TRAPPC9: variants seen among roughly 807,000 people sequenced by gnomAD.
The protein encoded by TRAPPC9 is trafficking protein particle complex subunit 9, also known as IKK2 binding protein.
A neutral mutation model predicts 124.0 loss-of-function variants in TRAPPC9; 83 were observed. That is an observed-to-expected ratio of 0.67 (90% CI 0.56 to 0.80). The LOEUF (loss-of-function observed/expected upper bound fraction) is 0.80. TRAPPC9 is among the 30% of genes least tolerant of loss of function. The pLI is 0.00. For synonymous variants in TRAPPC9, 638 were observed against 617.5 expected (o/e 1.03, Z -0.49); for missense variants, 1,302 against 1,508.3 (o/e 0.86, Z 2.27).
intron 11 of TRAPPC9, among the ~76,000 whole-genome samples, chr8:140,293,476 C>A (rs2065719691): frequency 6.6e-6 from 1 of 152,232 alleles, no homozygotes; most frequent in East Asian, 1.9e-4. Flanking sequence ...AAATGTCCAA[C>A]AATGATAGAC....
intron 18 of TRAPPC9, among the ~76,000 whole-genome samples, chr8:140,018,405 G>A (rs1192484497): frequency 6.8e-6 from 1 of 146,242 alleles, no homozygotes; most frequent in Non-Finnish European, 1.5e-5. Context: ...CTCACTGCAA[G>A]CTCCACCTCC....
chr8:140,009,506 C>T (rs934041425), intron 18 of TRAPPC9, among the ~76,000 whole-genome samples: 1 of 152,220 alleles, frequency 6.6e-6, no homozygotes, highest in Non-Finnish European at 1.5e-5. Context: ...TTCCCCTTCT[C>T]ACACACGACG....
intron 19 of TRAPPC9, among the ~76,000 whole-genome samples, chr8:139,983,675 G>T (rs573693039): frequency 1.3e-5 from 2 of 152,144 alleles, no homozygotes; most frequent in Non-Finnish European, 2.9e-5. Context: ...CCTTTCTTCT[G>T]CTGGGTGAAG....
Position 140,071,593 on chromosome 8 carries a change from C to T in TRAPPC9, c.2557-47514G>A, listed in dbSNP as rs530400302. Among the ~76,000 whole-genome samples the T allele has an allele frequency of 1.1e-4, 17 of 152,232 alleles. No homozygotes were observed. The South Asian group carries it at 2.7e-3, about 24-fold the overall frequency. The stretch of plus-strand genomic sequence containing the variant: ...GAGTTGCACAGTCCTGCCAGAGGCC[C>T]GGTGCCTGCCTCTGGAACCCTCAGT... On this transcript the variant is annotated intron_variant, in intron 17 of 22. Coordinates refer to ENST00000438773, the MANE Select transcript of TRAPPC9 (RefSeq NM_001160372.4).
chr8:139,797,077 C>T (rs754981846), intron 21 of TRAPPC9, among the ~76,000 whole-genome samples: 2 of 152,146 alleles, frequency 1.3e-5, no homozygotes, highest in Admixed American at 1.3e-4. Context: ...AGTCCTTGCC[C>T]GTTTTTAAAT....
At chr8:140,062,181 G>C (rs1351574174) in intron 17 of TRAPPC9, among the ~76,000 whole-genome samples, 1 of 152,126 alleles carries the variant, frequency 6.6e-6, no homozygotes, top group East Asian at 1.9e-4. Context: ...GCCTGGGATG[G>C]ACCTGCCTGA....
chr8:139,877,384 G>GAA (rs1004974765), intron 21 of TRAPPC9, among the ~76,000 whole-genome samples: 112 of 152,290 alleles, frequency 7.4e-4, no homozygotes, highest in African/African-American at 2.5e-3. Flanking sequence ...AGCAGGCACA[G>GAA]AAAGGTCCAG....
intron 21 of TRAPPC9, among the ~76,000 whole-genome samples, chr8:139,833,662 C>T (rs1056299015): frequency 2.0e-5 from 3 of 152,238 alleles, no homozygotes; most frequent in East Asian, 3.9e-4. Context: ...GCCTTCCCAG[C>T]AGAACAGGCA....
chr8:139,731,647 C>T (rs1053300947), intron 22 of TRAPPC9, among the ~76,000 whole-genome samples: 10 of 151,996 alleles, frequency 6.6e-5, no homozygotes, highest in African/African-American at 7.3e-5. Flanking sequence ...GCGGCAGGCA[C>T]GGGATGGGTG....
At chr8:139,841,466 C>A (rs756479951) in intron 21 of TRAPPC9, among the ~76,000 whole-genome samples, 7 of 152,134 alleles carry the variant, frequency 4.6e-5, no homozygotes, top group Admixed American at 3.3e-4. Flanking sequence ...TCTCCCCCAG[C>A]GTGCCTGCTT....
intron 15 of TRAPPC9, among the ~76,000 whole-genome samples, chr8:140,264,908 G>A (rs2064573030): frequency 6.6e-6 from 1 of 152,120 alleles, no homozygotes; most frequent in Non-Finnish European, 1.5e-5. Flanking sequence ...GAGAGGGACT[G>A]GATCCTGGTA....
At chr8:140,018,317 G>A (rs7460185) in intron 18 of TRAPPC9, among the ~76,000 whole-genome samples, 142,061 of 142,684 alleles carry the variant, frequency 1, 70,724 homozygotes, top group Middle Eastern at 1. Context: ...ATATAGAAAC[G>A]TAAGTGATTT....
intron 19 of TRAPPC9, among the ~76,000 whole-genome samples, chr8:139,923,614 C>T (rs918999980): frequency 2.6e-5 from 4 of 152,094 alleles, no homozygotes; most frequent in South Asian, 2.1e-4. Flanking sequence ...GCTTCCCTGA[C>T]GAAGCACGTC....
intron 2 of TRAPPC9, among the ~76,000 whole-genome samples, chr8:140,446,482 G>T (rs1448226064): frequency 2.0e-5 from 3 of 152,104 alleles, no homozygotes; most frequent in Non-Finnish European, 4.4e-5. Context: ...GAACTAGAAG[G>T]CCGTATTTCC....
rs896385778 is a variant in TRAPPC9, at chr8:140,257,690, C to T, written c.2279-4761G>A. ...TACTACTGGAAATGTCTTCCCCTAC[C>T]TTCTCTGCCTGGCTGGATTTTCTAG... On this transcript the variant is annotated intron_variant, in intron 15 of 22. Coordinates refer to ENST00000438773, the MANE Select transcript of TRAPPC9 (RefSeq NM_001160372.4). This position sits in a 1 kb window ranked among gnomAD's most constrained non-coding sequence, Gnocchi z 4.6. Among the ~76,000 whole-genome samples, 1 of 152,176 alleles carries T rather than the reference C, an allele frequency of 6.6e-6. No homozygotes were observed. Among genetic ancestry groups the T allele is most frequent in the Non-Finnish European group, 1.5e-5 (1 of 68,034 alleles).
At chr8:140,333,977 T>C (rs933760601) in intron 9 of TRAPPC9, among the ~76,000 whole-genome samples, 5 of 152,208 alleles carry the variant, frequency 3.3e-5, no homozygotes, top group Non-Finnish European at 7.3e-5. Flanking sequence ...CCAAGCACTT[T>C]ACATATGCCT....
At chr8:140,167,534 T>G (rs1587845032) in intron 17 of TRAPPC9, among the ~76,000 whole-genome samples, 1 of 152,174 alleles carries the variant, frequency 6.6e-6, no homozygotes, top group Non-Finnish European at 1.5e-5. Context: ...GCCATACAGC[T>G]GGCAGCAGCT....
rs551194697 is a variant in TRAPPC9, at chr8:140,317,289, T to G, written c.1496-5915A>C. ...TTCTTGTTTTTCTAATTCCTTAAGA[T>G]GCAGTGTTAGACTGTTTATTTGAAA... On this transcript the variant is annotated intron_variant, in intron 9 of 22. Coordinates refer to ENST00000438773, the MANE Select transcript of TRAPPC9 (RefSeq NM_001160372.4). Among the ~76,000 whole-genome samples the G allele has an allele frequency of 3.9e-5, 6 of 152,300 alleles. No individual in the cohort carries two copies. In the South Asian group the frequency reaches 1.2e-3, roughly 32 times the overall value.
intron 21 of TRAPPC9, among the ~76,000 whole-genome samples, chr8:139,789,384 C>T (rs577638705): frequency 8.5e-4 from 129 of 152,330 alleles, no homozygotes; most frequent in African/African-American, 3.0e-3. Flanking sequence ...AGGGTGTGCA[C>T]GCTGCCCCTC....
Sources: allele counts gnomAD v4.1 joint callset (sites outside exome capture counted in the v4.1 genomes callset), GRCh38; gene constraint gnomAD v4.1.1; non-coding constraint Gnocchi (gnomAD v3.1); transcripts MANE v1.5; gene names NCBI Gene and HGNC (gene_info 2026-07-23, HGNC 2026-07-21).